PCLO: variants seen among roughly 807,000 people sequenced by gnomAD.
The protein encoded by PCLO is piccolo presynaptic cytomatrix protein.
A neutral mutation model predicts 427.5 loss-of-function variants in PCLO; 82 were observed. That is an observed-to-expected ratio of 0.19 (90% CI 0.16 to 0.23). The LOEUF (loss-of-function observed/expected upper bound fraction) is 0.23, where lower values mean the gene tolerates loss of function less well. Among genes scored for constraint, PCLO ranks in the 10% least tolerant of loss-of-function variants. The pLI is 1.00. For missense variants in PCLO, 6,239 were observed against 6,115.9 expected, an observed-to-expected ratio of 1.02 and a Z score of -0.67; for synonymous variants, 2,357 against 2,155.4, an observed-to-expected ratio of 1.09 and a Z score of -2.59.
chr7:83,162,837 AC>A lies in PCLO; in HGVS notation c.-246del, dbSNP rs1317463438. ...GCGCCAGGCAACCTTTGCAGAAGAC[AC>A]CTCCCGGACGCCGCCTCGGCGCCCC... On this transcript the variant is annotated 5_prime_UTR_variant, in exon 1 of 25. Coordinates refer to ENST00000333891, the MANE Select transcript of PCLO (RefSeq NM_033026.6). 7.7e-6 allele frequency: 4 copies of A among 522,030 alleles called. No homozygotes were observed. Among genetic ancestry groups the A allele is most frequent in the Non-Finnish European group, 1.3e-5 (4 of 302,106 alleles). The allele number at this position is 522,030 out of a possible 1,614,324, so 32.3% of individuals were successfully genotyped here.
At chr7:82,802,915 T>C (rs1283182382) in intron 21 of PCLO, among the ~76,000 whole-genome samples, 3 of 152,134 alleles carry the variant, frequency 2.0e-5, no homozygotes, top group Admixed American at 2.0e-4. Context: ...AGCCATTACA[T>C]TGTTCCATTA....
chr7:82,824,132 T>A (rs935327701), intron 19 of PCLO, 104 bp downstream of exon 19: 1 of 723,802 alleles, frequency 1.4e-6, no homozygotes, highest in African/African-American at 1.8e-5. Context: ...TCCAGTCGTG[T>A]CTAATCTATT....
chr7:82,948,322 TACTAGAAA>T (rs1562874325), intron 6 of PCLO, among the ~76,000 whole-genome samples: 1 of 152,030 alleles, frequency 6.6e-6, no homozygotes, highest in African/African-American at 2.4e-5. Context: ...AACGCAATTC[TACTAGAAA>T]ACTAGAAAAC....
chr7:82,845,541 C>T, intron 12 of PCLO, 56 bp from the exon 13 acceptor site: 1 of 1,191,178 alleles, frequency 8.4e-7, no homozygotes. Context: ...TACTTTATAC[C>T]ATGGAACTAT....
chr7:82,860,728 C>A (rs1792931794), intron 10 of PCLO, among the ~76,000 whole-genome samples: 1 of 151,734 alleles, frequency 6.6e-6, no homozygotes. Context: ...AAATGATGAA[C>A]CAATCAAAAA....
intron 3 of PCLO, among the ~76,000 whole-genome samples, chr7:82,994,139 T>G (rs527354264): frequency 6.6e-6 from 1 of 152,144 alleles, no homozygotes; most frequent in East Asian, 1.9e-4. Context: ...CAATACAAGA[T>G]ATAACACAAA....
chr7:82,976,222 A>T (rs932946165), intron 3 of PCLO, among the ~76,000 whole-genome samples: 4 of 152,100 alleles, frequency 2.6e-5, no homozygotes, highest in Non-Finnish European at 5.9e-5. Flanking sequence ...ATTTTCCTCT[A>T]GATTCTCCTT....
chr7:83,076,974 G>A (rs1031700770), intron 3 of PCLO, among the ~76,000 whole-genome samples: 10 of 125,640 alleles, frequency 8.0e-5, no homozygotes, highest in Non-Finnish European at 1.6e-4. Flanking sequence ...ATAATAGCCT[G>A]CTTTAAACAA....
intron 13 of PCLO, among the ~76,000 whole-genome samples, chr7:82,844,729 G>A (rs1792455660): frequency 6.6e-6 from 1 of 151,858 alleles, no homozygotes; most frequent in African/African-American, 2.4e-5. Context: ...AAATTCCCCG[G>A]CACTTTGAAA....
chr7:83,062,177 T>C (rs1789558747), intron 3 of PCLO, among the ~76,000 whole-genome samples: 1 of 152,162 alleles, frequency 6.6e-6, no homozygotes, highest in Admixed American at 6.5e-5. Flanking sequence ...CCTTATAATA[T>C]ACAAATAATT....
intron 2 of PCLO, among the ~76,000 whole-genome samples, chr7:83,148,511 A>C (rs1291500889): frequency 6.6e-6 from 1 of 152,188 alleles, no homozygotes; most frequent in African/African-American, 2.4e-5. Context: ...AAGTAAGTAA[A>C]TACTTTTTTT....
chr7:83,026,698 C>A (rs972857333), intron 3 of PCLO, among the ~76,000 whole-genome samples: 3 of 151,952 alleles, frequency 2.0e-5, no homozygotes, highest in Admixed American at 6.6e-5. Context: ...TGACCACATA[C>A]TTGGAAGTAA....
intron 3 of PCLO, among the ~76,000 whole-genome samples, chr7:83,032,340 C>T (rs1788689252): frequency 6.6e-6 from 1 of 151,910 alleles, no homozygotes; most frequent in Admixed American, 6.6e-5. Context: ...CACAAGGCTC[C>T]CTCTTCATCA....
chr7:82,899,478 C>G (rs187538927), intron 9 of PCLO, among the ~76,000 whole-genome samples: 135 of 151,280 alleles, frequency 8.9e-4, no homozygotes, highest in South Asian at 2.7e-3. Flanking sequence ...TTTTAAAAGA[C>G]TTAATTTAGT....
intron 6 of PCLO, among the ~76,000 whole-genome samples, chr7:82,940,755 C>CTTTTTTTTT (rs71531190): frequency 3.4e-4 from 37 of 109,124 alleles, no homozygotes; most frequent in Non-Finnish European, 5.7e-4. Flanking sequence ...TTTTTTCTTT[C>CTTTTTTTTT]TTTTTTTTTT....
intron 22 of PCLO, among the ~76,000 whole-genome samples, chr7:82,779,172 T>C (rs1201303052): frequency 6.6e-6 from 1 of 152,170 alleles, no homozygotes; most frequent in Non-Finnish European, 1.5e-5. Context: ...CCTGGAGTCT[T>C]AGACTTTCTG....
intron 3 of PCLO, among the ~76,000 whole-genome samples, chr7:83,002,364 T>C (rs1012360051): frequency 5.9e-5 from 9 of 152,008 alleles, no homozygotes; most frequent in African/African-American, 2.2e-4. Context: ...CTTCCATTTC[T>C]TGAAGTTTCT....
intron 21 of PCLO, 37 bp from the exon 22 acceptor site, chr7:82,801,628 T>A: frequency 3.2e-6 from 4 of 1,262,482 alleles, no homozygotes; most frequent in Non-Finnish European, 2.3e-6. Context: ...TATTCAGTTA[T>A]GATCTCATGA....
intron 3 of PCLO, among the ~76,000 whole-genome samples, chr7:83,045,287 G>C (rs1320190571): frequency 6.6e-6 from 1 of 151,954 alleles, no homozygotes; most frequent in East Asian, 1.9e-4. Flanking sequence ...TTATGTAATT[G>C]TATTGGGGGT....
Sources: gnomAD v4.1 joint callset for allele counts (sites outside exome capture counted in the v4.1 genomes callset) on GRCh38, gnomAD v4.1.1 for gene constraint, MANE v1.5 for transcripts, NCBI Gene and HGNC (gene_info 2026-07-23, HGNC 2026-07-21) for gene names.